Variants in RBM4 observed in about 807,000 individuals in gnomAD.
RBM4 encodes RNA-binding protein 4.
Under a neutral mutation model 29.5 loss-of-function variants are expected in RBM4, and 7 were observed. The ratio of observed to expected loss-of-function variants is 0.24; its 90% CI spans 0.14 to 0.45. The LOEUF is 0.45. RBM4 is among the 20% of genes least tolerant of loss of function. The probability of loss-of-function intolerance (pLI) is 1.00; values close to 1 mark genes in which losing one functional copy is unlikely to be tolerated. For missense variants in RBM4, 387 were observed against 502.3 expected, an observed-to-expected ratio of 0.77 and a Z score of 2.19; for synonymous variants, 220 against 205.4, an observed-to-expected ratio of 1.07 and a Z score of -0.61.
intron 2 of RBM4, chr11:66,665,760 T>A: frequency 7.7e-7 from 1 of 1,302,386 alleles, no homozygotes; most frequent in Non-Finnish European, 1.0e-6. Flanking sequence ...AATAGCTATA[T>A]ATAGGAATCC....
intron 2 of RBM4, among the ~76,000 whole-genome samples, chr11:66,657,889 A>C (rs1938982226): frequency 6.6e-6 from 1 of 151,170 alleles, no homozygotes; most frequent in South Asian, 2.1e-4. Context: ...ATGCCCAACT[A>C]ATTTCTGTAT....
downstream of RBM4, among the ~76,000 whole-genome samples, chr11:66,649,179 G>T (rs1938772574): frequency 6.6e-6 from 1 of 151,890 alleles, no homozygotes; most frequent in Non-Finnish European, 1.5e-5. Context: ...GCTAATTTTT[G>T]TATTTTTAGT....
At position 66,640,352 on chromosome 11, in the gene RBM4, T is replaced by G. The variant is rs1260131524; in HGVS notation, c.412+229T>G. 6.4e-6 allele frequency: 4 copies of G among 629,848 alleles called. No homozygotes were observed. The African/African-American group carries it at 7.3e-5, about 12-fold the overall frequency. The allele number at this position is 629,848 out of a possible 1,614,324, so 39.0% of individuals were successfully genotyped here. ...CCACTCACCTTTTATTTGGAGCCCC[T>G]ACGGCTTTTGTGCTTATCAGTGCAG... On this transcript the variant is annotated intron_variant, in intron 2 of 3. Transcript: ENST00000310092.
rs1442399712 is a variant in RBM4, at chr11:66,645,981, C to G, written c.*9-46C>G. 12 of 1,535,690 alleles carry G rather than the reference C, an allele frequency of 7.8e-6. No homozygotes were observed. In the South Asian group the frequency reaches 1.3e-4, roughly 17 times the overall value. ...ATGTTGAAGTTTTAAATGGGAAAGC[C>G]CTTTTGAGCTTTGCTGTAAAGCCGC... On this transcript the variant is annotated intron_variant, in intron 3 of 3. Transcript: ENST00000310092.
Position 66,646,436 on chromosome 11 carries a change from T to C in RBM4, c.*418T>C. ...ACCTATAGAGTTGGATCACTTTTTT[T>C]CTTTCCGGTGAAATAAATGGTTTTT... On this transcript the variant is annotated 3_prime_UTR_variant, in exon 4 of 4. Coordinates refer to ENST00000310092, the MANE Select transcript of RBM4 (RefSeq NM_002896.4). 1 of 1,029,870 alleles carries C rather than the reference T, an allele frequency of 9.7e-7. No individual in the cohort carries two copies. The highest frequency in any genetic ancestry group is 1.2e-6 in the Non-Finnish European group (1 of 858,856). The allele number at this position is 1,029,870 out of a possible 1,614,324, so 63.8% of individuals were successfully genotyped here. A position where few individuals can be genotyped will look rare whatever the true frequency, so the allele number is the denominator to read the frequency against.
At chr11:66,644,719 T>C (rs1235253001) in intron 3 of RBM4, 8 of 971,836 alleles carry the variant, frequency 8.2e-6, no homozygotes, top group Non-Finnish European at 8.6e-6. Flanking sequence ...TCAACCCTTA[T>C]GAGTTTTATA....
At position 66,646,356 on chromosome 11, in the gene RBM4, A is replaced by G. The variant is rs1938692944; in HGVS notation, c.*338A>G. 2.4e-6 allele frequency: 3 copies of G among 1,240,996 alleles called. No homozygotes were observed. The highest frequency in any genetic ancestry group is 3.7e-5 in the Admixed American group (1 of 27,064). 76.9% of individuals were successfully genotyped at this position (1,240,996 alleles called of 1,614,324 possible). Reference sequence around the variant, plus strand: ...CCTCCTGCGGCTGTTGGATTTGGGAATGACCTTGGTGAGAGTCTCACTGCT... The same window carrying G: ...CCTCCTGCGGCTGTTGGATTTGGGAGTGACCTTGGTGAGAGTCTCACTGCT... On this transcript the variant is annotated 3_prime_UTR_variant, in exon 4 of 4. Coordinates refer to ENST00000310092, the MANE Select transcript of RBM4 (RefSeq NM_002896.4).
At chr11:66,641,788 C>A (rs1296585614) in intron 2 of RBM4, among the ~76,000 whole-genome samples, 1 of 152,132 alleles carries the variant, frequency 6.6e-6, no homozygotes, top group African/African-American at 2.4e-5. Context: ...TATTGATGAG[C>A]AGTAGTTATT....
intron 2 of RBM4, chr11:66,665,763 A>G: frequency 2.3e-6 from 3 of 1,311,234 alleles, no homozygotes; most frequent in Non-Finnish European, 3.1e-6. Context: ...AGCTATATAT[A>G]GGAATCCACT....
chr11:66,649,419 G>A (rs1938778139), downstream of RBM4, among the ~76,000 whole-genome samples: 1 of 152,216 alleles, frequency 6.6e-6, no homozygotes, highest in Admixed American at 6.5e-5. Flanking sequence ...GTGATACGCA[G>A]CTGAAGTTCC....
chr11:66,644,395 G>T, intron 3 of RBM4: 1 of 503,198 alleles, frequency 2.0e-6, no homozygotes, highest in Non-Finnish European at 3.4e-6. Context: ...GAAAAATAAA[G>T]AATGATGTGC....
At chr11:66,653,756 G>A (rs972142066) in intron 2 of RBM4, among the ~76,000 whole-genome samples, 1 of 151,844 alleles carries the variant, frequency 6.6e-6, no homozygotes, top group South Asian at 2.1e-4. Context: ...GTCAACAGCA[G>A]GCTACTAAGT....
At chr11:66,665,312 A>C in intron 2 of RBM4, 1 of 509,312 alleles carries the variant, frequency 2.0e-6, no homozygotes, top group Non-Finnish European at 3.5e-6. Context: ...GTTCCACTGC[A>C]CAGGAAAAAG....
chr11:66,658,861 T>C (rs998717780), intron 2 of RBM4, among the ~76,000 whole-genome samples: 1 of 151,196 alleles, frequency 6.6e-6, no homozygotes, highest in African/African-American at 2.4e-5. Flanking sequence ...TGCTTGTACC[T>C]GGGAGGCGGA....
exon 3 of RBM4, chr11:66,668,196 A>G (rs1253736462): frequency 6.0e-6 from 1 of 165,680 alleles, no homozygotes; most frequent in African/African-American, 2.4e-5. Flanking sequence ...CATTTATCAA[A>G]TGACTTTGGG....
chr11:66,642,621 C>G (rs1477168814), intron 2 of RBM4, among the ~76,000 whole-genome samples: 2 of 152,186 alleles, frequency 1.3e-5, no homozygotes, highest in Non-Finnish European at 2.9e-5. Context: ...GCAGTTTGGT[C>G]CACTGACTAG....
chr11:66,640,691 G>A (rs9633990), intron 2 of RBM4: 6 of 154,322 alleles, frequency 3.9e-5, no homozygotes, highest in Non-Finnish European at 8.6e-5. Flanking sequence ...GCTGATTTTA[G>A]GACTTCCTGG....
At chr11:66,650,294 C>T (rs951256263), downstream of RBM4, among the ~76,000 whole-genome samples, 1 of 152,170 alleles carries the variant, frequency 6.6e-6, no homozygotes, top group African/African-American at 2.4e-5. Context: ...TCCAGCCAGG[C>T]GTGGTGGCTC....
At position 66,643,845 on chromosome 11, in the gene RBM4, G is replaced by C. The variant is rs751773381; in HGVS notation, c.808G>C (p.Asp270His). 2 of 1,613,616 alleles carry C rather than the reference G, an allele frequency of 1.2e-6. No homozygotes were observed. Among genetic ancestry groups the C allele is most frequent in the Admixed American group, 3.3e-5 (2 of 59,974 alleles). The change falls in exon 3 of 4, where the codon GAT becomes CAT. Residue 270 changes from aspartate to histidine, a missense_variant. Asp to His is a moderately conservative substitution (Grantham distance 81). This residue lies in a region of RBM4 where 281 missense variants were observed against 288.7 expected (regional missense o/e 0.97). Transcript: ENST00000310092. The surrounding 1 kb of genome is among the most constrained non-coding windows in gnomAD (Gnocchi z 6.1). The part of the protein sequence containing the change: ...MASHLTSTSL[D>H]PYDRHLLPTS... ...CAGTCACCTCACCTCCACCTCTCTCGATCCCTACGATAGACACCTGTTGCC... is the reference window on the plus strand; with the variant it reads ...CAGTCACCTCACCTCCACCTCTCTCCATCCCTACGATAGACACCTGTTGCC...
Sources: allele counts gnomAD v4.1 joint callset (sites outside exome capture counted in the v4.1 genomes callset), GRCh38; gene constraint gnomAD v4.1.1; regional missense constraint gnomAD v4.1.1; non-coding constraint Gnocchi (gnomAD v3.1); transcripts MANE v1.5; gene names NCBI Gene and HGNC (gene_info 2026-07-23, HGNC 2026-07-21).